Variants in TTYH2 observed in about 807,000 individuals in gnomAD.
TTYH2 encodes tweety family member 2, also known as protein tweety homolog 2.
Under a neutral mutation model 68.3 loss-of-function variants are expected in TTYH2, and 49 were observed. That is an observed-to-expected ratio of 0.72 (90% CI 0.57 to 0.91). The LOEUF (loss-of-function observed/expected upper bound fraction) is 0.91, where lower values mean the gene tolerates loss of function less well. TTYH2 is among the 40% of genes least tolerant of loss of function. The pLI is 0.00. For synonymous variants in TTYH2, 272 were observed against 300.8 expected (o/e 0.90, Z 0.99); for missense variants, 631 against 700.4 (o/e 0.90, Z 1.12).
intron 6 of TTYH2, among the ~76,000 whole-genome samples, chr17:74,246,265 C>T (rs998971709): frequency 6.6e-6 from 1 of 152,138 alleles, no homozygotes; most frequent in Non-Finnish European, 1.5e-5. Flanking sequence ...GTGGCCTCTG[C>T]AGCCACCCTG....
At chr17:74,258,550 A>C (rs1276243090) in intron 13 of TTYH2, among the ~76,000 whole-genome samples, 1 of 152,116 alleles carries the variant, frequency 6.6e-6, no homozygotes, top group Non-Finnish European at 1.5e-5. Flanking sequence ...TACAGGTGTG[A>C]GCCACCGTGC....
In TTYH2 at chr17:74,215,170, C is replaced by CGTGTGTGTGTGTGTGTGTGT. The variant is rs5822029; in HGVS notation, c.129+1469_129+1488dup. On this transcript the variant is annotated intron_variant, in intron 1 of 13. Coordinates refer to ENST00000269346, the MANE Select transcript of TTYH2 (RefSeq NM_032646.6). This position sits in a 1 kb window ranked among gnomAD's most constrained non-coding sequence, Gnocchi z 4.3. Reference sequence around the variant, plus strand: ...AGGCGGATATGATTTCAGAAACAGCCGTGTGTGTGTGTGTGTGTGTGTGTG... The same window carrying CGTGTGTGTGTGTGTGTGTGT: ...AGGCGGATATGATTTCAGAAACAGCCGTGTGTGTGTGTGTGTGTGTGTGTGTGTGTGTGTGTGTGTGTGTG... Among the ~76,000 whole-genome samples the CGTGTGTGTGTGTGTGTGTGT allele has an allele frequency of 1.4e-5, 2 of 147,384 alleles. No individual in the cohort carries two copies. The highest frequency in any genetic ancestry group is 6.8e-5 in the Admixed American group (1 of 14,762).
At chr17:74,245,197 G>A (rs911383020) in intron 6 of TTYH2, among the ~76,000 whole-genome samples, 1 of 152,302 alleles carries the variant, frequency 6.6e-6, no homozygotes. Flanking sequence ...GGGAGAAGAG[G>A]GGGCATTTTC....
intron 13 of TTYH2, among the ~76,000 whole-genome samples, chr17:74,255,113 A>G (rs2050679919): frequency 6.6e-6 from 1 of 152,278 alleles, no homozygotes; most frequent in Non-Finnish European, 1.5e-5. Flanking sequence ...TGAGACAAAG[A>G]AAGCTGTAAA....
intron 1 of TTYH2, among the ~76,000 whole-genome samples, chr17:74,219,224 A>G (rs901621819): frequency 1.3e-5 from 2 of 149,996 alleles, no homozygotes; most frequent in African/African-American, 5.0e-5. Flanking sequence ...TCAAAAAAAA[A>G]AAAAGTACAA....
At chr17:74,226,212 A>G (rs975507739) in intron 2 of TTYH2, among the ~76,000 whole-genome samples, 5 of 152,232 alleles carry the variant, frequency 3.3e-5, no homozygotes, top group Non-Finnish European at 2.9e-5. Flanking sequence ...GAGGGTGGCC[A>G]GTGTGGAAGT....
At chr17:74,236,003 TATAA>T (rs1293251199) in intron 3 of TTYH2, among the ~76,000 whole-genome samples, 1 of 152,046 alleles carries the variant, frequency 6.6e-6, no homozygotes, top group African/African-American at 2.4e-5. Flanking sequence ...TACCTTTAAA[TATAA>T]ATAAATAAAT....
intron 3 of TTYH2, among the ~76,000 whole-genome samples, chr17:74,235,331 G>A (rs2050431956): frequency 6.6e-6 from 1 of 152,174 alleles, no homozygotes; most frequent in Non-Finnish European, 1.5e-5. Flanking sequence ...CCAGACCCGT[G>A]GGAGCTGAAG....
intron 2 of TTYH2, among the ~76,000 whole-genome samples, chr17:74,225,112 A>G (rs1166608829): frequency 6.6e-6 from 1 of 152,160 alleles, no homozygotes; most frequent in Non-Finnish European, 1.5e-5. Context: ...TGGGCACCCA[A>G]ACCCATAGGA....
At position 74,248,452 on chromosome 17, in the gene TTYH2, T is replaced by A. The variant is rs1041829355; in HGVS notation, c.805-559T>A. The stretch of plus-strand genomic sequence containing the variant: ...AGCTCCATGCCCTTCCCACCCCATG[T>A]CTTGGCAGGTGAGCACCTGCACCCA... On this transcript the variant is annotated intron_variant, in intron 6 of 13. Transcript: ENST00000269346. 4.1e-6 allele frequency: 4 copies of A among 987,336 alleles called. No homozygotes were observed. The African/African-American group carries it at 7.0e-5, about 17-fold the overall frequency. 61.2% of individuals were successfully genotyped at this position (987,336 alleles called of 1,614,324 possible). A position where few individuals can be genotyped will look rare whatever the true frequency, so the allele number is the denominator to read the frequency against.
rs200213199 is a variant in TTYH2, at chr17:74,217,929, TG to T, written c.129+4214del. Among the ~76,000 whole-genome samples, 2,814 of 152,118 alleles carry T rather than the reference TG, an allele frequency of 0.018. 99 individuals carry two copies. Among genetic ancestry groups the T allele is most frequent in the African/African-American group, 0.062 (2,560 of 41,482 alleles). On this transcript the variant is annotated intron_variant, in intron 1 of 13. Coordinates refer to ENST00000269346, the MANE Select transcript of TTYH2 (RefSeq NM_032646.6). This position sits in a 1 kb window ranked among gnomAD's most constrained non-coding sequence, Gnocchi z 4.0. ...AGTGTGGGAGCTGGGGGCCTGGTGTTGCTGTGGGACAAGGAGGTGGCTGCAG... is the reference window on the plus strand; with the variant it reads ...AGTGTGGGAGCTGGGGGCCTGGTGTTCTGTGGGACAAGGAGGTGGCTGCAG...
intron 6 of TTYH2, among the ~76,000 whole-genome samples, chr17:74,245,993 G>A (rs1011064347): frequency 1.3e-5 from 2 of 152,150 alleles, no homozygotes; most frequent in Non-Finnish European, 2.9e-5. Flanking sequence ...AGGGAGCAGC[G>A]GAGCTCCAAG....
chr17:74,235,300 C>T (rs1278736275), intron 3 of TTYH2, among the ~76,000 whole-genome samples: 1 of 152,210 alleles, frequency 6.6e-6, no homozygotes, highest in Non-Finnish European at 1.5e-5. Context: ...TCTGCCTCTT[C>T]TTCTGTGTCG....
intron 3 of TTYH2, among the ~76,000 whole-genome samples, chr17:74,233,469 T>C (rs747293855): frequency 1.3e-5 from 2 of 152,196 alleles, no homozygotes; most frequent in Non-Finnish European, 2.9e-5. Context: ...ATTACTGTAA[T>C]CACCTTGGGG....
chr17:74,230,214 A>T (rs2050373761), intron 2 of TTYH2, among the ~76,000 whole-genome samples: 1 of 152,096 alleles, frequency 6.6e-6, no homozygotes, highest in Non-Finnish European at 1.5e-5. Flanking sequence ...GGGCAGTGAA[A>T]CTACCCTGTA....
intron 13 of TTYH2, among the ~76,000 whole-genome samples, chr17:74,254,324 C>T (rs1447393918): frequency 1.3e-5 from 2 of 152,118 alleles, no homozygotes; most frequent in Non-Finnish European, 2.9e-5. Context: ...CGTGCCACAA[C>T]GCCAGGCTAA....
chr17:74,224,615 C>T (rs555221417), intron 2 of TTYH2, among the ~76,000 whole-genome samples: 132 of 152,318 alleles, frequency 8.7e-4, no homozygotes, highest in African/African-American at 3.0e-3. Context: ...CAAGAGGGCA[C>T]CAGCAGTAAG....
chr17:74,225,282 C>T (rs2050318303), intron 2 of TTYH2, among the ~76,000 whole-genome samples: 1 of 151,686 alleles, frequency 6.6e-6, no homozygotes, highest in African/African-American at 2.4e-5. Context: ...GGGTTGGGGG[C>T]ACTGTCGAGG....
At chr17:74,227,131 T>C (rs57771133) in intron 2 of TTYH2, among the ~76,000 whole-genome samples, 13,682 of 152,082 alleles carry the variant, frequency 0.09, 1,894 homozygotes, top group African/African-American at 0.3. Context: ...CTCGCCACCA[T>C]GCCCCGCTAA....
Sources: allele counts gnomAD v4.1 joint callset (sites outside exome capture counted in the v4.1 genomes callset), GRCh38; gene constraint gnomAD v4.1.1; non-coding constraint Gnocchi (gnomAD v3.1); transcripts MANE v1.5; gene names NCBI Gene and HGNC (gene_info 2026-07-23, HGNC 2026-07-21).